ZNF473: variants seen among roughly 807,000 people sequenced by gnomAD.
ZNF473 encodes the protein zinc finger protein 473.
ZNF473 carries 4 observed loss-of-function variants against 11.1 expected under a neutral mutation model. The observed-to-expected ratio is 0.36, with a 90% confidence interval of 0.18 to 0.82. The LOEUF (loss-of-function observed/expected upper bound fraction) is 0.82. ZNF473 is among the 40% of genes least tolerant of loss of function. The pLI, the probability that ZNF473 is intolerant of heterozygous loss-of-function variation, is 0.49. For synonymous variants in ZNF473, 404 were observed against 390.4 expected (o/e 1.03, Z -0.41); for missense variants, 854 against 1,084.0 (o/e 0.79, Z 2.98).
chr19:50,034,591 C>T (rs2077335401), intron 2 of ZNF473, among the ~76,000 whole-genome samples: 1 of 152,090 alleles, frequency 6.6e-6, no homozygotes, highest in Non-Finnish European at 1.5e-5. Context: ...TTATGATTAC[C>T]ACTTGCTTTA....
In ZNF473 at chr19:50,030,595, A is replaced by G. The variant is rs185940503; in HGVS notation, c.-191-297A>G. Among the ~76,000 whole-genome samples, 9 of 152,336 alleles carry G rather than the reference A, an allele frequency of 5.9e-5. No individual in the cohort carries two copies. The East Asian group carries it at 1.7e-3, about 29-fold the overall frequency. ...TCAGAAATCCCAGAAGCATTGTTCC[A>G]TTGGTTCTTTAGACACCTTCGTTCT... On this transcript the variant is annotated intron_variant, in intron 1 of 4. Transcript: ENST00000270617.
In ZNF473 at chr19:50,032,137, T is replaced by G. The variant is rs577763216; in HGVS notation, c.9+1046T>G. 2.0e-5 allele frequency among the ~76,000 whole-genome samples: 3 copies of G among 149,438 alleles called. No homozygotes were observed. In the East Asian group the frequency reaches 5.9e-4, roughly 29 times the overall value. ...TTGTCACTTTCCTGTGGCTCCCCAG[T>G]GCCTCAAGGATCTAGTCTGCCCCGT... On this transcript the variant is annotated intron_variant, in intron 2 of 4. Transcript: ENST00000270617.
chr19:50,033,851 C>T (rs1014166693), intron 2 of ZNF473, among the ~76,000 whole-genome samples: 3 of 152,154 alleles, frequency 2.0e-5, no homozygotes, highest in Non-Finnish European at 2.9e-5. Context: ...CCTTGTCTCC[C>T]TCTTATTAGG....
chr19:50,030,184 C>T (rs1462923168), intron 1 of ZNF473, among the ~76,000 whole-genome samples: 2 of 152,064 alleles, frequency 1.3e-5, no homozygotes, highest in Admixed American at 6.6e-5. Context: ...CTGTGGGTCA[C>T]GGTTAAAACA....
intron 2 of ZNF473, among the ~76,000 whole-genome samples, chr19:50,034,498 A>T (rs899474726): frequency 1.3e-5 from 2 of 152,188 alleles, no homozygotes; most frequent in African/African-American, 4.8e-5. Flanking sequence ...ATCAAGAGTG[A>T]GAATTTTTTT....
chr19:50,034,723 G>A (rs2077336172), intron 2 of ZNF473, among the ~76,000 whole-genome samples: 1 of 149,154 alleles, frequency 6.7e-6, no homozygotes, highest in South Asian at 2.1e-4. Context: ...CAGTTATTCG[G>A]TCCTTTGAGG....
At chr19:50,038,238 T>C (rs1394708837) in intron 2 of ZNF473, among the ~76,000 whole-genome samples, 1 of 148,924 alleles carries the variant, frequency 6.7e-6, no homozygotes, top group Non-Finnish European at 1.5e-5. Flanking sequence ...AAATTTAATA[T>C]ATACATGCAC....
At chr19:50,036,859 C>T (rs1295994498) in intron 2 of ZNF473, among the ~76,000 whole-genome samples, 3 of 152,092 alleles carry the variant, frequency 2.0e-5, no homozygotes, top group South Asian at 2.1e-4. Flanking sequence ...TTCCCAGCCT[C>T]GAGAACTATA....
At chr19:50,035,489 G>GTTTT in intron 2 of ZNF473, among the ~76,000 whole-genome samples, 1 of 150,576 alleles carries the variant, frequency 6.6e-6, no homozygotes, top group East Asian at 1.9e-4. Flanking sequence ...GTGTGTGTGT[G>GTTTT]TTTGGCTGTT....
intron 1 of ZNF473, among the ~76,000 whole-genome samples, chr19:50,026,676 G>GA (rs1052966845): frequency 6.6e-6 from 1 of 151,536 alleles, no homozygotes; most frequent in Non-Finnish European, 1.5e-5. Flanking sequence ...CACAAAAGAA[G>GA]AAAAAAATAG....
chr19:50,030,040 G>A (rs888422853), intron 1 of ZNF473, among the ~76,000 whole-genome samples: 3 of 152,010 alleles, frequency 2.0e-5, no homozygotes, highest in Non-Finnish European at 4.4e-5. Flanking sequence ...TAGTACAGAC[G>A]GGGTTTCAGC....
intron 2 of ZNF473, among the ~76,000 whole-genome samples, chr19:50,032,542 G>C (rs1047925664): frequency 2.0e-5 from 3 of 152,118 alleles, no homozygotes; most frequent in Non-Finnish European, 4.4e-5. Context: ...CTCTGTGCCT[G>C]TCATGAGTGG....
rs1354286648 is a variant in ZNF473 at position 50,034,996 on chromosome 19, A to G, written c.9+3905A>G. ...TTTCATGTATTAGTTGGAACACTTT[A>G]CAAGACATCCTTTGGCTGGGCATGG... On this transcript the variant is annotated intron_variant, in intron 2 of 4. Coordinates refer to ENST00000270617, the MANE Select transcript of ZNF473 (RefSeq NM_015428.4). Among the ~76,000 whole-genome samples the G allele has an allele frequency of 2.0e-5, 3 of 152,218 alleles. 1 individual carries two copies. The highest frequency in any genetic ancestry group is 1.5e-5 in the Non-Finnish European group (1 of 68,046).
intron 1 of ZNF473, among the ~76,000 whole-genome samples, chr19:50,027,914 C>T (rs1168754987): frequency 6.6e-6 from 1 of 152,158 alleles, no homozygotes; most frequent in Non-Finnish European, 1.5e-5. Flanking sequence ...GTCTTGGACT[C>T]CAAACTTCAG....
In ZNF473 at chr19:50,045,824, T is replaced by C. The variant is rs770223577; in HGVS notation, c.1381T>C (p.Cys461Arg). The C allele has an allele frequency of 1.2e-5, 19 of 1,613,826 alleles. No homozygotes were observed. Among genetic ancestry groups the C allele is most frequent in the Admixed American group, 1.7e-5 (1 of 59,986 alleles). ...TCATACAGGCTACAGACCCCACAAATGTCAGGAATGCGTCAGGAGTTTCAG... is the reference window on the plus strand; with the variant it reads ...TCATACAGGCTACAGACCCCACAAACGTCAGGAATGCGTCAGGAGTTTCAG... ...RIHTGYRPHK[C>R]QECVRSFSRP... The change falls in exon 5 of 5, where the codon TGT (cysteine) becomes CGT (arginine). Residue 461 changes from cysteine (C) to arginine (R), a missense_variant. Cys to Arg is a radical substitution (Grantham distance 180, BLOSUM62 -3). Around this residue, in one of 2 missense-constraint regions of ZNF473, gnomAD observed 668 missense variants for 790.2 expected, o/e 0.85. Coordinates refer to ENST00000270617, the MANE Select transcript of ZNF473 (RefSeq NM_015428.4).
At chr19:50,026,792 G>GAAAGA (rs527701206) in intron 1 of ZNF473, among the ~76,000 whole-genome samples, 27 of 152,210 alleles carry the variant, frequency 1.8e-4, no homozygotes, top group East Asian at 7.7e-4. Context: ...AGTGAGCTGA[G>GAAAGA]AAAGAAAAGA....
chr19:50,047,082 C>T lies in ZNF473; in HGVS notation c.*23C>T, dbSNP rs561432774. On this transcript the variant is annotated 3_prime_UTR_variant, in exon 5 of 5. Transcript: ENST00000270617. Reference sequence around the variant, plus strand: ...TAGCCATTGGGTGGCAGCAGAGTCCCAGAATATGAGACCGTTACTCGGATG... The same window carrying T: ...TAGCCATTGGGTGGCAGCAGAGTCCTAGAATATGAGACCGTTACTCGGATG... 52 of 1,578,542 alleles carry T rather than the reference C, an allele frequency of 3.3e-5. No homozygotes were observed. The Admixed American group carries it at 8.4e-4, about 25-fold the overall frequency.
intron 2 of ZNF473, among the ~76,000 whole-genome samples, chr19:50,037,268 G>A (rs1439588447): frequency 1.3e-5 from 2 of 152,152 alleles, no homozygotes; most frequent in Non-Finnish European, 2.9e-5. Flanking sequence ...TTCACTAGGG[G>A]AGCAGGAATT....
chr19:50,042,072 C>T (rs929862031), intron 4 of ZNF473: 1 of 295,916 alleles, frequency 3.4e-6, no homozygotes, highest in Non-Finnish European at 6.3e-6. Flanking sequence ...CTCCACAGCT[C>T]CTCCTCTTTC....
Sources: allele counts gnomAD v4.1 joint callset (sites outside exome capture counted in the v4.1 genomes callset), GRCh38; gene constraint gnomAD v4.1.1; regional missense constraint gnomAD v4.1.1; transcripts MANE v1.5; gene names NCBI Gene and HGNC (gene_info 2026-07-23, HGNC 2026-07-21).